The following TENM3 variants were observed in gnomAD, a reference collection of about 807,000 sequenced individuals.
TENM3 encodes teneurin-3.
A neutral mutation model predicts 255.1 loss-of-function variants in TENM3; 63 were observed. That is an observed-to-expected ratio of 0.25 (90% confidence interval 0.20 to 0.30). The LOEUF (loss-of-function observed/expected upper bound fraction) is 0.30, where lower values mean the gene tolerates loss of function less well. Among genes scored for constraint, TENM3 ranks in the 10% least tolerant of loss-of-function variants. TENM3 has a pLI of 1.00. For synonymous variants in TENM3, 1,306 were observed against 1,322.3 expected (o/e 0.99, Z 0.27); for missense variants, 2,929 against 3,461.1 (o/e 0.85, Z 3.86).
the TENM3 span, among the ~76,000 whole-genome samples, chr4:182,006,415 G>T: frequency 1.3e-5 from 2 of 152,070 alleles, no homozygotes; most frequent in Non-Finnish European, 2.9e-5. Flanking sequence ...CTTGTTATTG[G>T]CCTCTTCAGA....
At chr4:181,545,527 T>C in the TENM3 span, among the ~76,000 whole-genome samples, 1 of 152,192 alleles carries the variant, frequency 6.6e-6, no homozygotes. Context: ...AAGTTAAGGA[T>C]AATAGTCGAT....
the TENM3 span, among the ~76,000 whole-genome samples, chr4:181,682,056 C>T: frequency 2.6e-5 from 4 of 152,094 alleles, no homozygotes; most frequent in South Asian, 8.3e-4. Context: ...TATTGCTGAG[C>T]TCTTGAAACC....
Position 182,688,323 on chromosome 4 carries a change from G to A in TENM3, c.2193G>A (p.Gln731=), listed in dbSNP as rs372879559. The part of the protein sequence containing the change: ...TCKDGKCECS[Q]GWNGEHCTIE... ...AGGATGGCAAGTGTGAATGCAGCCAGGGCTGGAATGGAGAGCACTGCACTA... is the reference window on the plus strand; with the variant it reads ...AGGATGGCAAGTGTGAATGCAGCCAAGGCTGGAATGGAGAGCACTGCACTA... The change falls in exon 12 of 28, where the codon CAG becomes CAA. Residue 731 remains glutamine (Q), a synonymous_variant. Coordinates refer to ENST00000511685, the MANE Select transcript of TENM3 (RefSeq NM_001080477.4). The A allele has an allele frequency of 6.2e-7, 1 of 1,613,556 alleles. No individual in the cohort carries two copies. Among genetic ancestry groups the A allele is most frequent in the Non-Finnish European group, 8.5e-7 (1 of 1,179,652 alleles).
chr4:181,800,280 A>G, the TENM3 span, among the ~76,000 whole-genome samples: 1 of 152,142 alleles, frequency 6.6e-6, no homozygotes, highest in Non-Finnish European at 1.5e-5. Context: ...TCCGAAAACA[A>G]TTATACTAAG....
chr4:182,789,448 C>A lies in TENM3; in HGVS notation c.5601+59C>A. 1 of 1,491,974 alleles carries A rather than the reference C, an allele frequency of 6.7e-7. No homozygotes were observed. Among genetic ancestry groups the A allele is most frequent in the Non-Finnish European group, 9.1e-7 (1 of 1,098,682 alleles). 92.4% of individuals were successfully genotyped at this position (1,491,974 alleles called of 1,614,324 possible). A position where few individuals can be genotyped will look rare whatever the true frequency, so the allele number is the denominator to read the frequency against. ...AGGATAATTCACATTTTTCAGCAAT[C>A]ATCCAGAGCACTAAGGGGAAAAAAA... On this transcript the variant is annotated intron_variant, in intron 25 of 27. Coordinates refer to ENST00000511685, the MANE Select transcript of TENM3 (RefSeq NM_001080477.4). The surrounding 1 kb of genome is among the most constrained non-coding windows in gnomAD (Gnocchi z 4.4).
chr4:182,083,845 G>T, the TENM3 span, among the ~76,000 whole-genome samples: 1 of 152,066 alleles, frequency 6.6e-6, no homozygotes, highest in Non-Finnish European at 1.5e-5. Flanking sequence ...ACTGAGGTTT[G>T]CCACAAATTA....
the TENM3 span, among the ~76,000 whole-genome samples, chr4:181,901,209 C>A: frequency 6.6e-6 from 1 of 152,182 alleles, no homozygotes; most frequent in Non-Finnish European, 1.5e-5. Context: ...GCCTGTCTGT[C>A]ATGATGAATC....
chr4:182,439,708 T>C (rs764466003), intron 3 of TENM3, among the ~76,000 whole-genome samples: 4 of 152,206 alleles, frequency 2.6e-5, no homozygotes, highest in Non-Finnish European at 4.4e-5. Context: ...CTAGAATTAT[T>C]CTCCTTTAGA....
intron 3 of TENM3, among the ~76,000 whole-genome samples, chr4:182,463,887 G>A (rs1052963617): frequency 6.6e-5 from 10 of 152,026 alleles, no homozygotes; most frequent in African/African-American, 2.4e-4. Flanking sequence ...CTCCCAAGGT[G>A]CTGAGATTAC....
chr4:181,564,444 T>G, the TENM3 span, among the ~76,000 whole-genome samples: 2 of 152,134 alleles, frequency 1.3e-5, no homozygotes, highest in African/African-American at 4.8e-5. Context: ...GGGCAGAGCA[T>G]GGATTGAAAT....
At chr4:181,566,583 C>T in the TENM3 span, among the ~76,000 whole-genome samples, 2 of 152,120 alleles carry the variant, frequency 1.3e-5, no homozygotes, top group Non-Finnish European at 2.9e-5. Context: ...TCTGCAGGAT[C>T]TCGTAGCATT....
chr4:181,849,128 C>A, the TENM3 span, among the ~76,000 whole-genome samples: 1 of 152,182 alleles, frequency 6.6e-6, no homozygotes, highest in African/African-American at 2.4e-5. Context: ...AGAATTATAT[C>A]AGTGGTAACA....
At chr4:181,603,986 C>T in the TENM3 span, among the ~76,000 whole-genome samples, 2 of 152,118 alleles carry the variant, frequency 1.3e-5, no homozygotes, top group African/African-American at 4.8e-5. Flanking sequence ...GAATGATTGC[C>T]GGGCGCGGTG....
chr4:181,610,112 G>A, the TENM3 span, among the ~76,000 whole-genome samples: 2 of 152,178 alleles, frequency 1.3e-5, no homozygotes, highest in Non-Finnish European at 2.9e-5. Flanking sequence ...AAGTGAAAAA[G>A]AAAACCTCTA....
At chr4:182,548,114 C>G (rs766920405) in intron 3 of TENM3, among the ~76,000 whole-genome samples, 6 of 152,044 alleles carry the variant, frequency 3.9e-5, no homozygotes, top group Non-Finnish European at 8.8e-5. Context: ...GTCCCAGCTA[C>G]TTGGGAGGCT....
the TENM3 span, among the ~76,000 whole-genome samples, chr4:181,921,697 T>C: frequency 6.6e-5 from 10 of 152,194 alleles, no homozygotes; most frequent in Non-Finnish European, 1.3e-4. Context: ...CAATTTGACT[T>C]TCTCTTTTCC....
At chr4:182,312,927 C>T (rs1199727044) in intron 1 of TENM3, among the ~76,000 whole-genome samples, 1 of 152,124 alleles carries the variant, frequency 6.6e-6, no homozygotes, top group Admixed American at 6.5e-5. Flanking sequence ...TGTTTGCAAC[C>T]ACAAACTAAA....
chr4:181,770,023 C>T, the TENM3 span, among the ~76,000 whole-genome samples: 1 of 152,010 alleles, frequency 6.6e-6, no homozygotes, highest in Non-Finnish European at 1.5e-5. Context: ...ACATTGGAAC[C>T]CTTTGTGGCT....
the TENM3 span, among the ~76,000 whole-genome samples, chr4:181,661,381 C>G: frequency 1.3e-5 from 2 of 152,082 alleles, no homozygotes; most frequent in Non-Finnish European, 2.9e-5. Context: ...ATAATCTTTC[C>G]ATACTAAGTT....
Sources: gnomAD v4.1 joint callset for allele counts (sites outside exome capture counted in the v4.1 genomes callset) on GRCh38, gnomAD v4.1.1 for gene constraint, Gnocchi (gnomAD v3.1) non-coding constraint, MANE v1.5 for transcripts, NCBI Gene and HGNC (gene_info 2026-07-23, HGNC 2026-07-21) for gene names.